Variants in INPP4B observed in about 807,000 individuals in gnomAD.
INPP4B encodes inositol polyphosphate-4-phosphatase type II B, also known as inositol polyphosphate 4-phosphatase type II.
Under a neutral mutation model 122.5 loss-of-function variants are expected in INPP4B, and 55 were observed. That is an observed-to-expected ratio of 0.45 (90% CI 0.36 to 0.56). The LOEUF is 0.56. Among genes scored for constraint, INPP4B ranks in the 20% least tolerant of loss-of-function variants. The pLI is 0.00. For synonymous variants in INPP4B, 403 were observed against 388.7 expected, an observed-to-expected ratio of 1.04 and a Z score of -0.43; for missense variants, 1,000 against 1,097.7, an observed-to-expected ratio of 0.91 and a Z score of 1.26.
chr4:142,651,454 C>CA (rs1752943074), intron 2 of INPP4B, among the ~76,000 whole-genome samples: 1 of 151,910 alleles, frequency 6.6e-6, no homozygotes, highest in African/African-American at 2.4e-5. Flanking sequence ...AAAACATCAA[C>CA]AAAATTGATA....
intron 2 of INPP4B, among the ~76,000 whole-genome samples, chr4:142,562,758 T>C (rs1730747438): frequency 6.6e-6 from 1 of 151,994 alleles, no homozygotes; most frequent in African/African-American, 2.4e-5. Flanking sequence ...GAAAATAAAG[T>C]CCCTAGGGTA....
At chr4:142,667,109 C>A (rs1175069912) in intron 2 of INPP4B, among the ~76,000 whole-genome samples, 1 of 152,150 alleles carries the variant, frequency 6.6e-6, no homozygotes, top group Non-Finnish European at 1.5e-5. Context: ...GCATAATAGG[C>A]TCAAAACCAT....
chr4:142,255,300 G>C (rs1023757910), intron 11 of INPP4B, among the ~76,000 whole-genome samples: 3 of 150,844 alleles, frequency 2.0e-5, no homozygotes, highest in Admixed American at 6.6e-5. Context: ...CATCAACTAA[G>C]GAGCAAAATA....
At chr4:142,095,780 T>C (rs1178503499) in intron 23 of INPP4B, among the ~76,000 whole-genome samples, 3 of 152,144 alleles carry the variant, frequency 2.0e-5, no homozygotes, top group Admixed American at 6.5e-5. Flanking sequence ...GTTCAAACAA[T>C]TGAAAAAGCT....
At chr4:142,606,582 A>T (rs1368490741) in intron 2 of INPP4B, among the ~76,000 whole-genome samples, 1 of 151,990 alleles carries the variant, frequency 6.6e-6, no homozygotes, top group Admixed American at 6.6e-5. Flanking sequence ...ACAATTTTAA[A>T]ATATCAGATT....
chr4:142,510,018 C>T (rs756179215), intron 2 of INPP4B, among the ~76,000 whole-genome samples: 2 of 152,152 alleles, frequency 1.3e-5, no homozygotes, highest in African/African-American at 2.4e-5. Flanking sequence ...ATTTTGAGAG[C>T]AAACTATCTC....
At chr4:142,317,791 A>T (rs1477433077) in intron 7 of INPP4B, among the ~76,000 whole-genome samples, 1 of 152,196 alleles carries the variant, frequency 6.6e-6, no homozygotes, top group Non-Finnish European at 1.5e-5. Flanking sequence ...ACAAAAATGA[A>T]CAAACAAACA....
chr4:142,821,835 C>T (rs1465598449), intron 1 of INPP4B, among the ~76,000 whole-genome samples: 1 of 152,144 alleles, frequency 6.6e-6, no homozygotes, highest in East Asian at 1.9e-4. Flanking sequence ...TTTAGACACA[C>T]ACCAAAAGGA....
intron 3 of INPP4B, among the ~76,000 whole-genome samples, chr4:142,442,877 A>G (rs568696275): frequency 6.6e-4 from 100 of 152,326 alleles, no homozygotes; most frequent in African/African-American, 2.2e-3. Flanking sequence ...GAGGCTTCAC[A>G]ATCATGGTGG....
At chr4:142,435,247 T>C (rs1330496029) in intron 3 of INPP4B, among the ~76,000 whole-genome samples, 2 of 152,170 alleles carry the variant, frequency 1.3e-5, no homozygotes, top group African/African-American at 4.8e-5. Flanking sequence ...GATAGGAAGT[T>C]AAAAACTTTT....
Position 142,268,216 on chromosome 4 carries a change from G to C in INPP4B, c.615+2447C>G, listed in dbSNP as rs765136514. On this transcript the variant is annotated intron_variant, in intron 10 of 25. Transcript: ENST00000262992. ...CGGGTCCCTGTAGTCCCAGCTACTC[G>C]GGAGGCTGGGGCAGGAGAATGGTGT... Among the ~76,000 whole-genome samples, 175 of 149,678 alleles carry C rather than the reference G, an allele frequency of 1.2e-3. 3 individuals carry two copies. The highest frequency in any genetic ancestry group is 4.5e-4 in the Non-Finnish European group (30 of 67,370).
At chr4:142,380,299 G>T (rs1218766632) in intron 7 of INPP4B, among the ~76,000 whole-genome samples, 1 of 152,106 alleles carries the variant, frequency 6.6e-6, no homozygotes, top group Non-Finnish European at 1.5e-5. Context: ...ATTGCAAATG[G>T]CTGTCACTTT....
intron 2 of INPP4B, among the ~76,000 whole-genome samples, chr4:142,469,902 A>C (rs998009226): frequency 6.6e-6 from 1 of 152,160 alleles, no homozygotes; most frequent in African/African-American, 2.4e-5. Context: ...GAGCACCACA[A>C]ATTTATAAAA....
intron 1 of INPP4B, among the ~76,000 whole-genome samples, chr4:142,750,039 TA>T (rs201517930): frequency 0.013 from 2,044 of 152,058 alleles, 23 homozygotes; most frequent in Middle Eastern, 0.044. Context: ...AATTTTAATA[TA>T]AAAAAAGTAT....
chr4:142,323,647 A>G (rs368100000), intron 7 of INPP4B, among the ~76,000 whole-genome samples: 2,880 of 151,630 alleles, frequency 0.019, 30 homozygotes, highest in Middle Eastern at 0.028. Flanking sequence ...GGGTTTCACC[A>G]TGTTAGCCAG....
In INPP4B at chr4:142,806,794, A is replaced by G. The variant is rs558773428; in HGVS notation, c.-254+39415T>C. Reference sequence around the variant, plus strand: ...AAGAAAGAAAGAAAGAAGGAAAGAAAGAAAGAAAGAAAGAAAGAAAGAAAG... The same window carrying G: ...AAGAAAGAAAGAAAGAAGGAAAGAAGGAAAGAAAGAAAGAAAGAAAGAAAG... On this transcript the variant is annotated intron_variant, in intron 1 of 25. Coordinates refer to ENST00000262992, the MANE Select transcript of INPP4B (RefSeq NM_001101669.3). Among the ~76,000 whole-genome samples, 151 of 129,246 alleles carry G rather than the reference A, an allele frequency of 1.2e-3. 1 individual carries two copies. Among genetic ancestry groups the G allele is most frequent in the Middle Eastern group, 4.0e-3 (1 of 248 alleles). 84.8% of individuals were successfully genotyped at this position (129,246 alleles called of 152,430 possible).
chr4:142,751,337 G>T (rs534476027), intron 1 of INPP4B, among the ~76,000 whole-genome samples: 12 of 150,334 alleles, frequency 8.0e-5, no homozygotes, highest in African/African-American at 2.9e-4. Context: ...CCTCAAGTAT[G>T]GAGAGGGAGT....
At chr4:142,062,232 C>T (rs1300813600) in intron 25 of INPP4B, among the ~76,000 whole-genome samples, 1 of 151,968 alleles carries the variant, frequency 6.6e-6, no homozygotes, top group African/African-American at 2.4e-5. Context: ...AGTGTGTCTG[C>T]TCTTGCCCAC....
intron 2 of INPP4B, among the ~76,000 whole-genome samples, chr4:142,604,491 A>G (rs552751078): frequency 1.0e-3 from 153 of 152,234 alleles, no homozygotes; most frequent in Middle Eastern, 3.4e-3. Flanking sequence ...AGACTCCAAC[A>G]GAAAACTCCT....
Sources: gnomAD v4.1 joint callset for allele counts (sites outside exome capture counted in the v4.1 genomes callset) on GRCh38, gnomAD v4.1.1 for gene constraint, MANE v1.5 for transcripts, NCBI Gene and HGNC (gene_info 2026-07-23, HGNC 2026-07-21) for gene names.